CCDC30: variants seen among roughly 807,000 people sequenced by gnomAD.
CCDC30 encodes the protein coiled-coil domain containing 30.
Under a neutral mutation model 100.2 loss-of-function variants are expected in CCDC30, and 70 were observed. The ratio of observed to expected loss-of-function variants is 0.70; its 90% CI spans 0.58 to 0.85. The LOEUF is 0.85. Ranked by LOEUF, CCDC30 falls within the 40% of genes least tolerant of loss-of-function variation. The pLI, the probability that CCDC30 is intolerant of heterozygous loss-of-function variation, is 0.00. For synonymous variants in CCDC30, 233 were observed against 269.5 expected, an observed-to-expected ratio of 0.86 and a Z score of 1.33; for missense variants, 652 against 771.2, an observed-to-expected ratio of 0.85 and a Z score of 1.83.
At chr1:42,573,327 T>G (rs1415665506) in intron 7 of CCDC30, among the ~76,000 whole-genome samples, 2 of 152,170 alleles carry the variant, frequency 1.3e-5, no homozygotes, top group African/African-American at 4.8e-5. Context: ...TTAAATTTTC[T>G]TATATATCTT....
At position 42,556,401 on chromosome 1, in the gene CCDC30, C is replaced by A. The variant is rs758859333; in HGVS notation, c.457-9895C>A. 5 of 1,606,458 alleles carry A rather than the reference C, an allele frequency of 3.1e-6. No individual in the cohort carries two copies. In the East Asian group the frequency reaches 6.7e-5, roughly 22 times the overall value. On this transcript the variant is annotated intron_variant, in intron 6 of 16. Transcript: ENST00000668663. ...GGGGATAGTTCAGATGACAGTGGTGCCCAGGTAGGTGCTATAAACACATGC... is the reference window on the plus strand; with the variant it reads ...GGGGATAGTTCAGATGACAGTGGTGACCAGGTAGGTGCTATAAACACATGC...
At chr1:42,491,483 G>C (rs1644140059) in intron 4 of CCDC30, among the ~76,000 whole-genome samples, 1 of 149,108 alleles carries the variant, frequency 6.7e-6, no homozygotes, top group Non-Finnish European at 1.5e-5. Flanking sequence ...AGTTTCAGTG[G>C]GAGGTGGGGA....
chr1:42,628,190 C>T (rs561488880), intron 11 of CCDC30, among the ~76,000 whole-genome samples: 2 of 152,306 alleles, frequency 1.3e-5, no homozygotes, highest in East Asian at 3.9e-4. Context: ...AAATTGACTG[C>T]CTCACTGGAT....
At chr1:42,558,678 AC>A (rs1399390939) in intron 6 of CCDC30, among the ~76,000 whole-genome samples, 4 of 152,206 alleles carry the variant, frequency 2.6e-5, no homozygotes, top group Admixed American at 2.6e-4. Context: ...TGATTGGAGT[AC>A]CAGAAGGAGA....
At chr1:42,534,005 T>A (rs143277639) in intron 6 of CCDC30, 1 of 152,318 alleles carries the variant, frequency 6.6e-6, no homozygotes, top group East Asian at 1.9e-4. Context: ...ATTGCTCATC[T>A]CTCACATTAT....
At chr1:42,559,291 C>T (rs1011535455) in intron 6 of CCDC30, among the ~76,000 whole-genome samples, 2 of 152,092 alleles carry the variant, frequency 1.3e-5, no homozygotes, top group South Asian at 4.2e-4. Flanking sequence ...TCACACATAA[C>T]AATACTAACC....
intron 11 of CCDC30, among the ~76,000 whole-genome samples, chr1:42,623,417 TGA>T (rs1646876552): frequency 6.6e-6 from 1 of 152,204 alleles, no homozygotes; most frequent in African/African-American, 2.4e-5. Flanking sequence ...TTGTATACAG[TGA>T]GAGATAGGGA....
chr1:42,609,550 T>C (rs1266926311), intron 10 of CCDC30, among the ~76,000 whole-genome samples: 1 of 152,100 alleles, frequency 6.6e-6, no homozygotes, highest in Non-Finnish European at 1.5e-5. Flanking sequence ...CTGAATATAG[T>C]CCTAGAGTTT....
chr1:42,556,288 G>A (rs2148550945), intron 6 of CCDC30: 3 of 1,614,048 alleles, frequency 1.9e-6, no homozygotes, highest in South Asian at 1.1e-5. Flanking sequence ...AAAAAGAACA[G>A]CAGTTAACCA....
intron 9 of CCDC30, among the ~76,000 whole-genome samples, chr1:42,586,786 A>G (rs61605090): frequency 2.4e-4 from 36 of 152,318 alleles, no homozygotes; most frequent in Admixed American, 1.2e-3. Context: ...AAGCAGAGGA[A>G]GTTATATGAT....
At chr1:42,569,517 A>T (rs1645686386) in intron 7 of CCDC30, among the ~76,000 whole-genome samples, 1 of 152,212 alleles carries the variant, frequency 6.6e-6, no homozygotes, top group Non-Finnish European at 1.5e-5. Flanking sequence ...GAACGCTTTT[A>T]CACTGTTGGT....
At chr1:42,631,063 C>T (rs191735927) in intron 11 of CCDC30, among the ~76,000 whole-genome samples, 14 of 152,220 alleles carry the variant, frequency 9.2e-5, no homozygotes, top group Admixed American at 6.5e-4. Context: ...GAGTTAGATA[C>T]TCATTATAGT....
At chr1:42,622,045 TATAGTC>T (rs1241040993) in intron 11 of CCDC30, among the ~76,000 whole-genome samples, 2 of 152,244 alleles carry the variant, frequency 1.3e-5, no homozygotes, top group Non-Finnish European at 1.5e-5. Flanking sequence ...AAACTTTTTT[TATAGTC>T]ATACGCATTA....
chr1:42,533,234 G>T (rs557854734), intron 6 of CCDC30, among the ~76,000 whole-genome samples: 14 of 152,142 alleles, frequency 9.2e-5, no homozygotes, highest in Non-Finnish European at 1.6e-4. Flanking sequence ...GCAAGTTAGA[G>T]AGTCAGTTTT....
At chr1:42,654,475 T>G (rs1648592294), downstream of CCDC30, 1 of 158,562 alleles carries the variant, frequency 6.3e-6, no homozygotes, top group Non-Finnish European at 1.4e-5. Context: ...GATCACGAGG[T>G]CAGGAGATCG....
At chr1:42,544,925 G>A (rs887284161) in intron 6 of CCDC30, among the ~76,000 whole-genome samples, 1 of 152,034 alleles carries the variant, frequency 6.6e-6, no homozygotes, top group Non-Finnish European at 1.5e-5. Flanking sequence ...AGATATAGAA[G>A]ATATCTCCGT....
the CCDC30 span, chr1:42,456,654 T>A: frequency 8.1e-6 from 13 of 1,597,694 alleles, no homozygotes; most frequent in Non-Finnish European, 1.1e-5. Flanking sequence ...GCGGCCAGGC[T>A]GGGCGCGCAG....
chr1:42,615,170 A>G (rs1392965146), intron 11 of CCDC30, among the ~76,000 whole-genome samples: 1 of 152,212 alleles, frequency 6.6e-6, no homozygotes, highest in Non-Finnish European at 1.5e-5. Context: ...CAAAGAGTCC[A>G]GGGTGAAGTC....
intron 6 of CCDC30, among the ~76,000 whole-genome samples, chr1:42,501,449 T>C (rs1644311099): frequency 6.6e-6 from 1 of 152,246 alleles, no homozygotes; most frequent in African/African-American, 2.4e-5. Context: ...CCTTCTTCTC[T>C]CAACTCATCA....
Sources: gnomAD v4.1 joint callset for allele counts (sites outside exome capture counted in the v4.1 genomes callset) on GRCh38, gnomAD v4.1.1 for gene constraint, MANE v1.5 for transcripts, NCBI Gene and HGNC (gene_info 2026-07-23, HGNC 2026-07-21) for gene names.